Variants in CFAP206 observed in about 807,000 individuals in gnomAD.
CFAP206 encodes cilia- and flagella-associated protein 206.
In CFAP206, 53 loss-of-function variants were observed where a neutral mutation model predicts 65.4. The ratio of observed to expected loss-of-function variants is 0.81; its 90% CI spans 0.65 to 1.02. The LOEUF is 1.02. Ranked by LOEUF, CFAP206 falls within the 50% of genes least tolerant of loss-of-function variation. CFAP206 has a pLI of 0.00. For synonymous variants in CFAP206, 250 were observed against 254.4 expected, an observed-to-expected ratio of 0.98 and a Z score of 0.17; for missense variants, 663 against 753.2, an observed-to-expected ratio of 0.88 and a Z score of 1.40.
rs144182871 is a variant in CFAP206, at chr6:87,429,498, T to C, written c.1159+674T>C. On this transcript the variant is annotated intron_variant, in intron 9 of 12. Transcript: ENST00000369562. ...GAATGTTATTTGTTATATATCTACC[T>C]CAGATTCAAGTTGGGAATTTACAAA... Among the ~76,000 whole-genome samples the C allele has an allele frequency of 2.0e-3, 310 of 152,266 alleles. 1 individual carries two copies. Among genetic ancestry groups the C allele is most frequent in the African/African-American group, 7.1e-3 (296 of 41,540 alleles).
intron 10 of CFAP206, among the ~76,000 whole-genome samples, chr6:87,431,529 G>A (rs1278125182): frequency 6.6e-6 from 1 of 152,188 alleles, no homozygotes; most frequent in Non-Finnish European, 1.5e-5. Flanking sequence ...ACTTTGGGAG[G>A]TCAGGGCGGG....
chr6:87,464,234 A>T lies in CFAP206; in HGVS notation c.1853A>T (p.Asp618Val). The change falls in exon 13 of 13, where the codon GAT (aspartate) becomes GTT (valine). Residue 618 changes from aspartate (D) to valine (V), a missense_variant. Coordinates refer to ENST00000369562, the MANE Select transcript of CFAP206 (RefSeq NM_001031743.3). ...GAGGTCAAGGTGAACTTAACTAGAG[A>T]TGTGGATGAAACCTAATTACAGACA... ...TDEVKVNLTR[D>V]VDET The T allele has an allele frequency of 1.9e-6, 3 of 1,613,462 alleles. No individual in the cohort carries two copies. The highest frequency in any genetic ancestry group is 2.5e-6 in the Non-Finnish European group (3 of 1,179,610).
At chr6:87,420,458 A>G (rs1252675416) in intron 7 of CFAP206, among the ~76,000 whole-genome samples, 2 of 152,242 alleles carry the variant, frequency 1.3e-5, no homozygotes, top group Admixed American at 1.3e-4. Flanking sequence ...AAAATGTAGA[A>G]ATGATGAGTG....
chr6:87,412,880 G>A (rs1246080690), intron 3 of CFAP206, among the ~76,000 whole-genome samples: 3 of 152,064 alleles, frequency 2.0e-5, no homozygotes, highest in South Asian at 2.1e-4. Flanking sequence ...GGCTGGTCTC[G>A]AACTCCTGAC....
intron 9 of CFAP206, among the ~76,000 whole-genome samples, chr6:87,430,746 G>C (rs1013746330): frequency 6.6e-6 from 1 of 152,178 alleles, no homozygotes; most frequent in African/African-American, 2.4e-5. Flanking sequence ...AGCAGAGCAT[G>C]CTTGTCAGAA....
At chr6:87,434,498 T>C (rs1768217324) in intron 10 of CFAP206, among the ~76,000 whole-genome samples, 1 of 123,946 alleles carries the variant, frequency 8.1e-6, no homozygotes, top group Non-Finnish European at 1.7e-5. Context: ...TTCTTTTTCT[T>C]TTTCTTTTTT....
At position 87,464,354 on chromosome 6, in the gene CFAP206, T is replaced by G. The variant is rs566648577; in HGVS notation, c.*104T>G. On this transcript the variant is annotated 3_prime_UTR_variant, in exon 13 of 13. Transcript: ENST00000369562. ...AAATTAATTTTGTAGGGGTGGCACA[T>G]TCATTGGTTGTGTGACTGTTTATTG... 13 of 773,660 alleles carry G rather than the reference T, an allele frequency of 1.7e-5. No homozygotes were observed. The highest frequency in any genetic ancestry group is 1.4e-4 in the African/African-American group (8 of 57,742). 47.9% of individuals were successfully genotyped at this position (773,660 alleles called of 1,614,324 possible).
intron 11 of CFAP206, chr6:87,436,910 C>T (rs964675815): frequency 2.0e-5 from 3 of 152,124 alleles, no homozygotes; most frequent in African/African-American, 7.2e-5. Flanking sequence ...CCTGCGAGGA[C>T]GTGTTAATAC....
intron 2 of CFAP206, 79 bp downstream of exon 2, chr6:87,410,026 C>A: frequency 2.2e-6 from 2 of 917,292 alleles, no homozygotes; most frequent in Non-Finnish European, 3.4e-6. Context: ...CCTTTAAATT[C>A]TGTGAGGCTT....
intron 1 of CFAP206, among the ~76,000 whole-genome samples, chr6:87,409,227 C>CTTT (rs71785518): frequency 6.3e-4 from 90 of 142,912 alleles, no homozygotes; most frequent in African/African-American, 2.2e-3. Flanking sequence ...ACTGCTTAGC[C>CTTT]TTTTTTTTTT....
intron 11 of CFAP206, among the ~76,000 whole-genome samples, chr6:87,460,537 A>T (rs747299104): frequency 1.8e-4 from 27 of 152,318 alleles, no homozygotes; most frequent in Admixed American, 9.8e-4. Flanking sequence ...CAGAAAACCA[A>T]ACACTGCATG....
At chr6:87,421,779 T>G (rs919110565) in intron 7 of CFAP206, among the ~76,000 whole-genome samples, 7 of 152,232 alleles carry the variant, frequency 4.6e-5, no homozygotes, top group Non-Finnish European at 5.9e-5. Context: ...TAGAGTTATT[T>G]CCCCCCAAGC....
chr6:87,422,905 C>T (rs1037875605), intron 7 of CFAP206, among the ~76,000 whole-genome samples: 4 of 151,998 alleles, frequency 2.6e-5, no homozygotes, highest in Non-Finnish European at 5.9e-5. Context: ...GCAACTACAG[C>T]TTGGGGGAGG....
rs777628495 is a variant in CFAP206, at chr6:87,416,804, AAGG to A, written c.614_616del (p.Gly205del). 2.1e-5 allele frequency: 34 copies of A among 1,613,786 alleles called. No homozygotes were observed. Among genetic ancestry groups the A allele is most frequent in the East Asian group, 8.9e-5 (4 of 44,844 alleles). ...CGTTTATTTAACAGAGACTGTGGAA[AAGG>A]AGGAGAAGGCATTGATGATTGTAGG... On this transcript the variant is annotated inframe_deletion, in exon 6 of 13. Coordinates refer to ENST00000369562, the MANE Select transcript of CFAP206 (RefSeq NM_001031743.3).
intron 11 of CFAP206, chr6:87,444,346 G>A (rs998911197): frequency 4.6e-6 from 1 of 218,286 alleles, no homozygotes; most frequent in African/African-American, 2.3e-5. Context: ...TGCATTAGGT[G>A]GTCCAGGTTG....
At chr6:87,432,759 T>A (rs1291953545) in intron 10 of CFAP206, among the ~76,000 whole-genome samples, 1 of 152,156 alleles carries the variant, frequency 6.6e-6, no homozygotes, top group East Asian at 1.9e-4. Context: ...GAGGGTGAAG[T>A]AGAAAAGTAG....
intron 11 of CFAP206, among the ~76,000 whole-genome samples, chr6:87,459,499 G>A (rs1278175540): frequency 6.6e-6 from 1 of 152,134 alleles, no homozygotes. Flanking sequence ...AAGTCAACAT[G>A]TGTTAAGAGT....
At chr6:87,432,918 C>G in intron 10 of CFAP206, among the ~76,000 whole-genome samples, 1 of 152,242 alleles carries the variant, frequency 6.6e-6, no homozygotes, top group East Asian at 1.9e-4. Flanking sequence ...TTCCCTTCTT[C>G]CATTCAGGAG....
intron 11 of CFAP206, among the ~76,000 whole-genome samples, chr6:87,443,715 A>ATCTTG (rs1263697722): frequency 6.6e-6 from 1 of 152,092 alleles, no homozygotes; most frequent in Non-Finnish European, 1.5e-5. Flanking sequence ...GGTATGACTG[A>ATCTTG]TCTTGTCACC....
Sources: gnomAD v4.1 joint callset for allele counts (sites outside exome capture counted in the v4.1 genomes callset) on GRCh38, gnomAD v4.1.1 for gene constraint, MANE v1.5 for transcripts, NCBI Gene and HGNC (gene_info 2026-07-23, HGNC 2026-07-21) for gene names.